EML6: variants seen among roughly 807,000 people sequenced by gnomAD.
The protein encoded by EML6 is EMAP like 6.
In EML6, 154 loss-of-function variants were observed where a neutral mutation model predicts 240.1. The observed-to-expected ratio is 0.64, with a 90% CI of 0.56 to 0.73. The LOEUF (loss-of-function observed/expected upper bound fraction) is 0.73, where lower values mean the gene tolerates loss of function less well. EML6 is among the 30% of genes least tolerant of loss of function. EML6 has a pLI of 0.00. For synonymous variants in EML6, 1,148 were observed against 899.0 expected, an observed-to-expected ratio of 1.28 and a Z score of -4.95; for missense variants, 2,964 against 2,474.6, an observed-to-expected ratio of 1.20 and a Z score of -4.20.
chr2:54,862,608 G>A lies in EML6; in HGVS notation c.1826-1175G>A, dbSNP rs539177977. Reference sequence around the variant, plus strand: ...AGAAATGGGCAGAAAACATGTTCAAGGAAATAATGGCAGAAAAATTCCCAA... The same window carrying A: ...AGAAATGGGCAGAAAACATGTTCAAAGAAATAATGGCAGAAAAATTCCCAA... On this transcript the variant is annotated intron_variant, in intron 12 of 41. Transcript: ENST00000356458. Among the ~76,000 whole-genome samples the A allele has an allele frequency of 2.0e-5, 3 of 152,134 alleles. No homozygotes were observed. In the South Asian group the frequency reaches 6.2e-4, roughly 32 times the overall value.
At chr2:54,882,104 G>A (rs747138642) in intron 17 of EML6, 7 of 152,132 alleles carry the variant, frequency 4.6e-5, no homozygotes, top group Non-Finnish European at 1.0e-4. Flanking sequence ...ACAGAAACTA[G>A]AGAAATTCAG....
At chr2:54,968,875 G>C in intron 41 of EML6, 107 bp downstream of exon 41, 2 of 624,878 alleles carry the variant, frequency 3.2e-6, no homozygotes, top group Non-Finnish European at 5.8e-6. Context: ...GAGGAGGGCT[G>C]ATGTGGGGCT....
At chr2:54,963,553 A>G (rs1676619812) in intron 36 of EML6, among the ~76,000 whole-genome samples, 1 of 152,026 alleles carries the variant, frequency 6.6e-6, no homozygotes, top group Admixed American at 6.5e-5. Flanking sequence ...GCAGAGGCAG[A>G]AGCTCACACT....
At chr2:54,913,075 T>TTC (rs1553414103) in intron 25 of EML6, among the ~76,000 whole-genome samples, 1 of 151,278 alleles carries the variant, frequency 6.6e-6, no homozygotes, top group Non-Finnish European at 1.5e-5. Flanking sequence ...GATTCTGTTT[T>TTC]TTTTTTTTTT....
rs1670286970 is a variant in EML6, at chr2:54,854,858, A to G, written c.1657+1003A>G. Among the ~76,000 whole-genome samples, 4 of 152,256 alleles carry G rather than the reference A, an allele frequency of 2.6e-5. No homozygotes were observed. In the South Asian group the frequency reaches 8.3e-4, roughly 31 times the overall value. On this transcript the variant is annotated intron_variant, in intron 11 of 41. Coordinates refer to ENST00000356458, the MANE Select transcript of EML6 (RefSeq NM_001039753.4). ...ACAAGAGCCCTTTGAGTAATAGGGC[A>G]TATCTTGTTAGATTGAGTAGTATAC...
chr2:54,825,529 C>G (rs1343339363), intron 5 of EML6, among the ~76,000 whole-genome samples: 4 of 152,154 alleles, frequency 2.6e-5, no homozygotes, highest in African/African-American at 9.7e-5. Context: ...TCCCAAAGTG[C>G]TGGTATTACA....
intron 28 of EML6, among the ~76,000 whole-genome samples, chr2:54,937,577 A>G (rs1675209988): frequency 1.3e-5 from 2 of 151,298 alleles, no homozygotes; most frequent in African/African-American, 4.8e-5. Context: ...AAAAAAAAAA[A>G]AAAAAGTAGA....
Position 54,844,376 on chromosome 2 carries a change from T to G in EML6, c.1049+128T>G. The G allele has an allele frequency of 8.4e-6, 6 of 717,908 alleles. 1 individual carries two copies. In the South Asian group the frequency reaches 1.1e-4, roughly 13 times the overall value. 44.5% of individuals were successfully genotyped at this position (717,908 alleles called of 1,614,324 possible). A position where few individuals can be genotyped will look rare whatever the true frequency, so the allele number is the denominator to read the frequency against. On this transcript the variant is annotated intron_variant, in intron 8 of 41. Transcript: ENST00000356458. ...GTTTCCAAATGAAACGTTAAGACAT[T>G]TAGCTCATCAAGTGGGTTTTTGGCA...
At chr2:54,845,113 T>TTG (rs902436877) in intron 8 of EML6, among the ~76,000 whole-genome samples, 3 of 152,202 alleles carry the variant, frequency 2.0e-5, no homozygotes, top group African/African-American at 7.2e-5. Context: ...CTCCCTTATT[T>TTG]TGTGTGTTTA....
Position 54,971,257 on chromosome 2 carries a change from T to C in EML6, c.*1162T>C, listed in dbSNP as rs901501244. The stretch of plus-strand genomic sequence containing the variant: ...AGTTAGAGTTCCTTGGAGTTGGTTG[T>C]ATGACGGAATATGACTTGGACAATC... On this transcript the variant is annotated 3_prime_UTR_variant, in exon 42 of 42. Transcript: ENST00000356458. 2 of 152,232 alleles carry C rather than the reference T, an allele frequency of 1.3e-5. No homozygotes were observed. Among genetic ancestry groups the C allele is most frequent in the African/African-American group, 2.4e-5 (1 of 41,458 alleles). The allele number at this position is 152,232 out of a possible 1,614,324, so 9.4% of individuals were successfully genotyped here.
chr2:54,811,037 A>G (rs573476417), intron 2 of EML6, among the ~76,000 whole-genome samples: 5 of 152,218 alleles, frequency 3.3e-5, no homozygotes, highest in Admixed American at 6.5e-5. Context: ...CTTGAGTCTC[A>G]AACATACTAA....
chr2:54,739,600 G>A (rs1450088503), intron 2 of EML6, among the ~76,000 whole-genome samples: 2 of 152,236 alleles, frequency 1.3e-5, no homozygotes, highest in African/African-American at 4.8e-5. Flanking sequence ...ACAGCACACA[G>A]CACACATCTC....
chr2:54,823,756 TG>T (rs1668438709), intron 5 of EML6, among the ~76,000 whole-genome samples: 1 of 151,982 alleles, frequency 6.6e-6, no homozygotes. Flanking sequence ...GGGGGTTAGG[TG>T]GGAATCTGAC....
intron 29 of EML6, 88 bp downstream of exon 29, chr2:54,949,048 T>A: frequency 1.0e-6 from 1 of 991,828 alleles, no homozygotes; most frequent in Non-Finnish European, 1.6e-6. Flanking sequence ...AAAGACACAG[T>A]CAAATGAAAC....
intron 9 of EML6, among the ~76,000 whole-genome samples, chr2:54,848,524 TACACACAC>T (rs59587579): frequency 1.4e-5 from 2 of 145,850 alleles, no homozygotes; most frequent in Admixed American, 6.9e-5. Context: ...GCTTCCACAC[TACACACAC>T]ACACACACAC....
chr2:54,816,661 G>C (rs2578711), intron 3 of EML6, 126 bp from the exon 4 acceptor site: 134,212 of 722,750 alleles, frequency 0.19, 13,858 homozygotes, highest in Non-Finnish European at 0.21. Flanking sequence ...TTTAAGATGG[G>C]TTTTGAGAAA....
At chr2:54,761,586 G>GTGA (rs887889789) in intron 2 of EML6, among the ~76,000 whole-genome samples, 9 of 152,274 alleles carry the variant, frequency 5.9e-5, no homozygotes, top group African/African-American at 1.9e-4. Flanking sequence ...TTGGTCAAAA[G>GTGA]TGATTCTTTC....
chr2:54,936,931 T>C (rs1434909055), intron 28 of EML6, among the ~76,000 whole-genome samples: 1 of 151,804 alleles, frequency 6.6e-6, no homozygotes, highest in Admixed American at 6.6e-5. Flanking sequence ...GTTGCCAGTC[T>C]CTCCTGCTTA....
chr2:54,751,711 T>G (rs562013118), intron 2 of EML6, among the ~76,000 whole-genome samples: 2 of 152,346 alleles, frequency 1.3e-5, no homozygotes, highest in East Asian at 3.9e-4. Context: ...TTATTCCATG[T>G]TGGCACACAG....
Sources: allele counts gnomAD v4.1 joint callset (sites outside exome capture counted in the v4.1 genomes callset), GRCh38; gene constraint gnomAD v4.1.1; transcripts MANE v1.5; gene names NCBI Gene and HGNC (gene_info 2026-07-23, HGNC 2026-07-21).